The following TMED9 variants were observed in gnomAD, a reference collection of about 807,000 sequenced individuals.
The protein encoded by TMED9 is transmembrane emp24 domain-containing protein 9.
Under a neutral mutation model 30.6 loss-of-function variants are expected in TMED9, and 22 were observed. The observed-to-expected ratio is 0.72, with a 90% confidence interval of 0.51 to 1.03. TMED9 has a LOEUF of 1.03. TMED9 is among the 50% of genes least tolerant of loss of function. The probability of loss-of-function intolerance (pLI) is 0.00; values close to 1 mark genes in which losing one functional copy is unlikely to be tolerated. For synonymous variants in TMED9, 146 were observed against 122.8 expected (o/e 1.19, Z -1.25); for missense variants, 251 against 302.1 (o/e 0.83, Z 1.25).
In TMED9 at chr5:177,592,405, G is replaced by C; in HGVS notation, c.184+7G>C. ...GACGAGACCATGGTCATAGGTGCGGGGGCGGGGAGGAAGGGGCGAGTTTGG... is the reference window on the plus strand; with the variant it reads ...GACGAGACCATGGTCATAGGTGCGGCGGCGGGGAGGAAGGGGCGAGTTTGG... On this transcript the variant is annotated splice_region_variant and intron_variant, in intron 1 of 4. Transcript: ENST00000332598. 6.3e-7 allele frequency: 1 copy of C among 1,591,624 alleles called. No individual in the cohort carries two copies. The highest frequency in any genetic ancestry group is 8.6e-7 in the Non-Finnish European group (1 of 1,168,712).
chr5:177,594,240 G>A lies in TMED9; in HGVS notation c.513G>A (p.Leu171=). 6.2e-7 allele frequency: 1 copy of A among 1,614,182 alleles called. No individual in the cohort carries two copies. The highest frequency in any genetic ancestry group is 1.3e-5 in the African/African-American group (1 of 75,060). ...LSELQLRVRQ[L]VEQVEQIQKE... ...AGTTGCAGCTACGAGTGCGACAGCTGGTGGAACAAGTGGAGCAGATCCAGA... is the reference window on the plus strand; with the variant it reads ...AGTTGCAGCTACGAGTGCGACAGCTAGTGGAACAAGTGGAGCAGATCCAGA... Residue 171 remains leucine (L), a synonymous_variant, in exon 4 of 5, where the codon CTG becomes CTA. Transcript: ENST00000332598.
intron 1 of TMED9, 39 bp from the exon 2 acceptor site, chr5:177,592,536 C>T: frequency 1.3e-6 from 2 of 1,587,250 alleles, no homozygotes; most frequent in Non-Finnish European, 1.7e-6. Flanking sequence ...CATGCCACCT[C>T]GCGCTCCTCT....
At position 177,595,583 on chromosome 5, in the gene TMED9, G is replaced by C. The variant is rs924987872; in HGVS notation, c.*167G>C. The stretch of plus-strand genomic sequence containing the variant: ...TGAAGGCAGCAGCTTGGCTAATACT[G>C]AGCAGGTAGTGGGGCAAATTCCTGC... On this transcript the variant is annotated 3_prime_UTR_variant, in exon 5 of 5. Transcript: ENST00000332598. The C allele has an allele frequency of 3.9e-6, 3 of 768,258 alleles. No individual in the cohort carries two copies. Among genetic ancestry groups the C allele is most frequent in the African/African-American group, 3.6e-5 (2 of 56,316 alleles). The allele number at this position is 768,258 out of a possible 1,614,324, so 47.6% of individuals were successfully genotyped here. A position where few individuals can be genotyped will look rare whatever the true frequency, so the allele number is the denominator to read the frequency against.
rs1767598249 is a variant in TMED9, at chr5:177,592,285, C to CCCTCCTGCTGGTGCTGTGGCT, written c.72_92dup (p.Leu25_Leu31dup). On this transcript the variant is annotated inframe_insertion, in exon 1 of 5. Coordinates refer to ENST00000332598, the MANE Select transcript of TMED9 (RefSeq NM_017510.6). ...ACCGGGCTGGGTAGAGTGATGCGGA[C>CCCTCCTGCTGGTGCTGTGGCT]CCTCCTGCTGGTGCTGTGGCTGGCG... 6.2e-7 allele frequency: 1 copy of CCCTCCTGCTGGTGCTGTGGCT among 1,611,724 alleles called. No individual in the cohort carries two copies. Among genetic ancestry groups the CCCTCCTGCTGGTGCTGTGGCT allele is most frequent in the Non-Finnish European group, 8.5e-7 (1 of 1,179,088 alleles).
At chr5:177,594,005 C>A in intron 3 of TMED9, 134 bp from the exon 4 acceptor site, 1 of 1,311,494 alleles carries the variant, frequency 7.6e-7, no homozygotes, top group Non-Finnish European at 1.1e-6. Context: ...CCTCATGGGG[C>A]TAAGACACTG....
intron 2 of TMED9, among the ~76,000 whole-genome samples, 154 bp downstream of exon 2, chr5:177,592,829 G>A (rs73337753): frequency 0.037 from 5,640 of 152,238 alleles, 114 homozygotes; most frequent in African/African-American, 0.05. Flanking sequence ...TCTGTGAAAT[G>A]GGCGGATTAA....
chr5:177,592,358 G>A lies in TMED9; in HGVS notation c.144G>A (p.Lys48=), dbSNP rs1715339062. Residue 48 remains lysine, a synonymous_variant, in exon 1 of 5, where the codon AAG becomes AAA. Coordinates refer to ENST00000332598, the MANE Select transcript of TMED9 (RefSeq NM_017510.6). ...TTCACATCGGAGAGACGGAGAAGAA[G>A]TGCTTTATTGAGGAGATCCCGGACG... The part of the protein sequence containing the change: ...LYFHIGETEK[K]CFIEEIPDET... 1 of 1,604,826 alleles carries A rather than the reference G, an allele frequency of 6.2e-7. No homozygotes were observed. The highest frequency in any genetic ancestry group is 1.3e-5 in the African/African-American group (1 of 74,840).
In TMED9 at chr5:177,592,682, C is replaced by A; in HGVS notation, c.285+7C>A. On this transcript the variant is annotated splice_region_variant and intron_variant, in intron 2 of 4. Coordinates refer to ENST00000332598, the MANE Select transcript of TMED9 (RefSeq NM_017510.6). ...GAAGGACCCAGAGGACAAGGTGAGC[C>A]AACCGCCCCCCTCCTCTCCGCCAGC... The A allele has an allele frequency of 6.3e-7, 1 of 1,580,820 alleles. No individual in the cohort carries two copies. The highest frequency in any genetic ancestry group is 8.6e-7 in the Non-Finnish European group (1 of 1,161,104).
rs201495637 is a variant in TMED9 at position 177,593,677 on chromosome 5, G to A, written c.313G>A (p.Glu105Lys). Residue 105 changes from glutamate (E) to lysine (K), a missense_variant, in exon 3 of 5, where the codon GAG becomes AAG. Glu to Lys is a moderately conservative substitution (Grantham distance 56). Around this residue, in one of 2 missense-constraint regions of TMED9, gnomAD observed 153 missense variants for 239.6 expected, o/e 0.64. Transcript: ENST00000332598. Reference protein sequence around the residue: ...KVILARQYGSEGRFTFTSHTP... With the variant: ...KVILARQYGSKGRFTFTSHTP... ...CATCCTGGCCCGGCAGTATGGCTCCGAGGGCAGGTTCACTTTCACTTCCCA... is the reference window on the plus strand; with the variant it reads ...CATCCTGGCCCGGCAGTATGGCTCCAAGGGCAGGTTCACTTTCACTTCCCA... The A allele has an allele frequency of 4.1e-5, 66 of 1,614,148 alleles. No individual in the cohort carries two copies. In the East Asian group the frequency reaches 4.7e-4, roughly 11 times the overall value.
At position 177,595,811 on chromosome 5, in the gene TMED9, C is replaced by G. The variant is rs371630888; in HGVS notation, c.*395C>G. 3.9e-5 allele frequency: 6 copies of G among 155,576 alleles called. No individual in the cohort carries two copies. Among genetic ancestry groups the G allele is most frequent in the African/African-American group, 1.4e-4 (6 of 41,654 alleles). The allele number at this position is 155,576 out of a possible 1,614,324, so 9.6% of individuals were successfully genotyped here. A position where few individuals can be genotyped will look rare whatever the true frequency, so the allele number is the denominator to read the frequency against. ...GTTTTGAGCAGGTTGGGGTATGGTGCCTGTCATACCCACCTGCCACCCTGG... is the reference window on the plus strand; with the variant it reads ...GTTTTGAGCAGGTTGGGGTATGGTGGCTGTCATACCCACCTGCCACCCTGG... On this transcript the variant is annotated 3_prime_UTR_variant, in exon 5 of 5. Coordinates refer to ENST00000332598, the MANE Select transcript of TMED9 (RefSeq NM_017510.6).
chr5:177,592,680 GCCAACCGCCC>G lies in TMED9; in HGVS notation c.285+8_285+17del. 1 of 1,588,002 alleles carries G rather than the reference GCCAACCGCCC, an allele frequency of 6.3e-7. No homozygotes were observed. Among genetic ancestry groups the G allele is most frequent in the Non-Finnish European group, 8.6e-7 (1 of 1,166,426 alleles). ...GTGAAGGACCCAGAGGACAAGGTGA[GCCAACCGCCC>G]CCCTCCTCTCCGCCAGCCTCTCAGC... On this transcript the variant is annotated splice_donor_region_variant and intron_variant, in intron 2 of 4. Coordinates refer to ENST00000332598, the MANE Select transcript of TMED9 (RefSeq NM_017510.6).
chr5:177,593,958 A>G, intron 3 of TMED9, 181 bp from the exon 4 acceptor site: 1 of 1,184,138 alleles, frequency 8.4e-7, no homozygotes. Flanking sequence ...CACTCAGAGC[A>G]CCAGCCCAGG....
Position 177,592,630 on chromosome 5 carries a change from C to T in TMED9, c.240C>T (p.Thr80=). 6.2e-7 allele frequency: 1 copy of T among 1,613,740 alleles called. No homozygotes were observed. The highest frequency in any genetic ancestry group is 2.2e-5 in the East Asian group (1 of 44,876). The change falls in exon 2 of 5, where the codon ACC becomes ACT. Residue 80 remains threonine (T), a synonymous_variant. Coordinates refer to ENST00000332598, the MANE Select transcript of TMED9 (RefSeq NM_017510.6). ...DKQREEYQPA[T]PGLGMFVEVK... ...AGCGGGAGGAGTACCAGCCGGCCAC[C>T]CCGGGGCTTGGCATGTTTGTGGAGG...
In TMED9 at chr5:177,592,323, G is replaced by T. The variant is rs775384021; in HGVS notation, c.109G>T (p.Ala37Ser). Residue 37 changes from alanine to serine, a missense_variant, in exon 1 of 5, where the codon GCG becomes TCG. By Grantham distance (99) the Ala-to-Ser change is moderately conservative (BLOSUM62 1). Transcript: ENST00000332598. ...GCTGTGGCTGGCGACGCGCGGAAGCGCGCTCTACTTTCACATCGGAGAGAC... is the reference window on the plus strand; with the variant it reads ...GCTGTGGCTGGCGACGCGCGGAAGCTCGCTCTACTTTCACATCGGAGAGAC... The part of the protein sequence containing the change: ...LVLWLATRGS[A>S]LYFHIGETEK... 8 of 1,606,100 alleles carry T rather than the reference G, an allele frequency of 5.0e-6. No individual in the cohort carries two copies. The highest frequency in any genetic ancestry group is 5.1e-6 in the Non-Finnish European group (6 of 1,176,592).
rs1049814739 is a variant in TMED9 at position 177,596,377 on chromosome 5, G to C, written c.*961G>C. On this transcript the variant is annotated 3_prime_UTR_variant, in exon 5 of 5. Coordinates refer to ENST00000332598, the MANE Select transcript of TMED9 (RefSeq NM_017510.6). Reference sequence around the variant, plus strand: ...TCCCTGGTGAAGTTCCCTCTTTCTAGAGTCAGTAAGCAGGATTGTCATGGA... The same window carrying C: ...TCCCTGGTGAAGTTCCCTCTTTCTACAGTCAGTAAGCAGGATTGTCATGGA... Among the ~76,000 whole-genome samples, 2 of 152,194 alleles carry C rather than the reference G, an allele frequency of 1.3e-5. No individual in the cohort carries two copies. Among genetic ancestry groups the C allele is most frequent in the Non-Finnish European group, 2.9e-5 (2 of 68,028 alleles).
Position 177,593,488 on chromosome 5 carries a change from A to G in TMED9, c.286-162A>G, listed in dbSNP as rs1173624489. On this transcript the variant is annotated intron_variant, in intron 2 of 4. Coordinates refer to ENST00000332598, the MANE Select transcript of TMED9 (RefSeq NM_017510.6). Reference sequence around the variant, plus strand: ...CACCTGCCCCAGAGAGTTCTCACACAAGCATATGGCAACAGCTGCTGAGCA... The same window carrying G: ...CACCTGCCCCAGAGAGTTCTCACACGAGCATATGGCAACAGCTGCTGAGCA... 7.0e-6 allele frequency: 6 copies of G among 863,146 alleles called. No homozygotes were observed. In the Admixed American group the frequency reaches 1.4e-4, roughly 20 times the overall value. 53.5% of individuals were successfully genotyped at this position (863,146 alleles called of 1,614,324 possible).
At chr5:177,593,521 A>C in intron 2 of TMED9, 129 bp from the exon 3 acceptor site, 1 of 1,178,720 alleles carries the variant, frequency 8.5e-7, no homozygotes, top group South Asian at 1.4e-5. Flanking sequence ...GCAGCTTTGA[A>C]TCTTTCAGTG....
In TMED9 at chr5:177,592,580, T is replaced by G; in HGVS notation, c.190T>G (p.Tyr64Asp). ...IPDETMVIGNYRTQLYDKQRE... is the reference protein window; with the variant it reads ...IPDETMVIGNDRTQLYDKQRE... Reference sequence around the variant, plus strand: ...CTCGCCCTGCTTCCCTCAAGGAAACTACCGGACGCAGCTGTATGACAAGCA... The same window carrying G: ...CTCGCCCTGCTTCCCTCAAGGAAACGACCGGACGCAGCTGTATGACAAGCA... Residue 64 changes from tyrosine to aspartate, a missense_variant, in exon 2 of 5, where the codon TAC becomes GAC. This residue lies in a region of TMED9 where 153 missense variants were observed against 239.6 expected (regional missense o/e 0.64). Transcript: ENST00000332598. 1.2e-6 allele frequency: 2 copies of G among 1,612,968 alleles called. No individual in the cohort carries two copies. Among genetic ancestry groups the G allele is most frequent in the Non-Finnish European group, 1.7e-6 (2 of 1,179,604 alleles).
intron 3 of TMED9, 136 bp from the exon 4 acceptor site, chr5:177,594,003 G>C (rs2127507626): frequency 7.7e-7 from 1 of 1,302,946 alleles, no homozygotes; most frequent in Non-Finnish European, 1.1e-6. Context: ...AGCCTCATGG[G>C]GCTAAGACAC....
Sources: gnomAD v4.1 joint callset for allele counts (sites outside exome capture counted in the v4.1 genomes callset) on GRCh38, gnomAD v4.1.1 for gene constraint, gnomAD v4.1.1 regional missense constraint, MANE v1.5 for transcripts, NCBI Gene and HGNC (gene_info 2026-07-23, HGNC 2026-07-21) for gene names.